Variants in PCDH15 observed in about 807,000 individuals in gnomAD.
The protein encoded by PCDH15 is protocadherin-15.
A neutral mutation model predicts 178.5 loss-of-function variants in PCDH15; 129 were observed. The ratio of observed to expected loss-of-function variants is 0.72; its 90% CI spans 0.63 to 0.84. The LOEUF is 0.84. PCDH15 is among the 40% of genes least tolerant of loss of function. The pLI is 0.00. For synonymous variants in PCDH15, 800 were observed against 732.0 expected (o/e 1.09, Z -1.50); for missense variants, 2,230 against 2,099.9 (o/e 1.06, Z -1.21).
chr10:54,829,145 T>G (rs1323165640), intron 3 of PCDH15, among the ~76,000 whole-genome samples: 2 of 151,968 alleles, frequency 1.3e-5, no homozygotes, highest in African/African-American at 4.8e-5. Flanking sequence ...ACCTCAAGTG[T>G]GATGAATAGG....
chr10:53,864,052 C>T (rs1235878903), intron 27 of PCDH15, among the ~76,000 whole-genome samples: 3 of 152,052 alleles, frequency 2.0e-5, no homozygotes, highest in African/African-American at 7.2e-5. Flanking sequence ...GACATCGAGG[C>T]AAAATAGAGT....
chr10:54,270,207 C>A (rs966299493), intron 8 of PCDH15, among the ~76,000 whole-genome samples: 8 of 151,970 alleles, frequency 5.3e-5, no homozygotes, highest in Non-Finnish European at 1.0e-4. Context: ...AAATGGGATC[C>A]ATTTTCTAAA....
rs138534074 is a variant in PCDH15, at chr10:54,339,913, C to A, written c.594+6452G>T. Among the ~76,000 whole-genome samples, 255 of 152,242 alleles carry A rather than the reference C, an allele frequency of 1.7e-3. 2 individuals are homozygous for A. The highest frequency in any genetic ancestry group is 6.0e-3 in the African/African-American group (248 of 41,558). ...CTCCTAGTAATTTTCCATCCAGTGA[C>A]CCTGACCCTGCTCCTTGGTTATAAA... On this transcript the variant is annotated intron_variant, in intron 6 of 37. Coordinates refer to ENST00000644397, the MANE Select transcript of PCDH15 (RefSeq NM_001384140.1).
chr10:55,540,181 T>C (rs1177417653), intron 2 of PCDH15, among the ~76,000 whole-genome samples: 2 of 152,128 alleles, frequency 1.3e-5, no homozygotes, highest in Non-Finnish European at 2.9e-5. Context: ...TAGACTACCT[T>C]CTGTGAGATT....
At chr10:55,125,963 A>G (rs1192313297) in intron 2 of PCDH15, among the ~76,000 whole-genome samples, 3 of 152,096 alleles carry the variant, frequency 2.0e-5, no homozygotes, top group East Asian at 1.9e-4. Context: ...GTCTCAATGC[A>G]TATGATTTGT....
intron 2 of PCDH15, among the ~76,000 whole-genome samples, chr10:55,352,980 G>T (rs1231149340): frequency 6.6e-6 from 1 of 152,122 alleles, no homozygotes; most frequent in Non-Finnish European, 1.5e-5. Context: ...AGCTGGCATT[G>T]GTCAACAGAA....
intron 18 of PCDH15, among the ~76,000 whole-genome samples, chr10:54,035,926 G>A (rs1308624962): frequency 6.6e-6 from 1 of 151,896 alleles, no homozygotes; most frequent in African/African-American, 2.4e-5. Flanking sequence ...CTGATGTGAA[G>A]CTGATGTGAA....
intron 2 of PCDH15, among the ~76,000 whole-genome samples, chr10:55,364,353 G>C (rs923337339): frequency 1.3e-5 from 2 of 152,066 alleles, no homozygotes; most frequent in Non-Finnish European, 2.9e-5. Flanking sequence ...TTTTTTAGTG[G>C]ATATAGAATT....
intron 1 of PCDH15, among the ~76,000 whole-genome samples, chr10:54,738,670 A>G (rs56396769): frequency 0.093 from 14,186 of 152,086 alleles, 715 homozygotes; most frequent in Admixed American, 0.11. Context: ...ACACTAGCAA[A>G]CTGAATTCAA....
intron 26 of PCDH15, among the ~76,000 whole-genome samples, chr10:53,899,561 C>A (rs2082187462): frequency 6.6e-6 from 1 of 152,138 alleles, no homozygotes; most frequent in Admixed American, 6.6e-5. Flanking sequence ...TAACTTTTAT[C>A]ATTCTGCGTT....
At chr10:55,329,204 G>C (rs1400027059) in intron 2 of PCDH15, among the ~76,000 whole-genome samples, 1 of 82,990 alleles carries the variant, frequency 1.2e-5, no homozygotes, top group African/African-American at 6.0e-5. Flanking sequence ...CCTTTCATGG[G>C]ATCTGGGAAT....
chr10:55,334,431 C>G (rs940269518), intron 2 of PCDH15, among the ~76,000 whole-genome samples: 1 of 150,884 alleles, frequency 6.6e-6, no homozygotes, highest in Non-Finnish European at 1.5e-5. Context: ...CCTCAGCCCC[C>G]CAAGTAGGTG....
chr10:54,003,159 C>T (rs2135037425), intron 20 of PCDH15, among the ~76,000 whole-genome samples: 1 of 152,160 alleles, frequency 6.6e-6, no homozygotes. Context: ...AGGAAAAAAA[C>T]TTCAACTAAA....
intron 2 of PCDH15, among the ~76,000 whole-genome samples, chr10:54,605,532 T>A (rs2092707196): frequency 6.6e-6 from 1 of 152,156 alleles, no homozygotes; most frequent in Non-Finnish European, 1.5e-5. Flanking sequence ...CCCTAACACA[T>A]AACAAGTTGT....
intron 2 of PCDH15, among the ~76,000 whole-genome samples, chr10:54,936,154 T>A (rs926087262): frequency 6.6e-6 from 1 of 152,122 alleles, no homozygotes; most frequent in African/African-American, 2.4e-5. Flanking sequence ...GGGGTCTTTA[T>A]ATGACTGGTT....
At chr10:54,335,424 A>G (rs1564998731) in intron 6 of PCDH15, among the ~76,000 whole-genome samples, 3 of 152,294 alleles carry the variant, frequency 2.0e-5, no homozygotes, top group Middle Eastern at 3.4e-3. Flanking sequence ...TACAATTGAT[A>G]TGGTTTGGGT....
chr10:53,907,405 T>C (rs1294177675), intron 25 of PCDH15, among the ~76,000 whole-genome samples: 1 of 152,190 alleles, frequency 6.6e-6, no homozygotes, highest in Non-Finnish European at 1.5e-5. Context: ...GCGTGCCTAA[T>C]ATCCTAGTAT....
chr10:55,557,375 A>G (rs967758221), intron 2 of PCDH15, among the ~76,000 whole-genome samples: 3 of 152,150 alleles, frequency 2.0e-5, no homozygotes, highest in African/African-American at 7.2e-5. Flanking sequence ...ATATTAGGCT[A>G]TGTGATCAGA....
chr10:54,694,542 A>G (rs1441983202), intron 1 of PCDH15, among the ~76,000 whole-genome samples: 1 of 152,100 alleles, frequency 6.6e-6, no homozygotes, highest in African/African-American at 2.4e-5. Context: ...TGTTTTTCCA[A>G]TAGCATGTGC....
Sources: allele counts gnomAD v4.1 joint callset (sites outside exome capture counted in the v4.1 genomes callset), GRCh38; gene constraint gnomAD v4.1.1; transcripts MANE v1.5; gene names NCBI Gene and HGNC (gene_info 2026-07-23, HGNC 2026-07-21).